Variants in PRPSAP2 observed in about 807,000 individuals in gnomAD.
The protein encoded by PRPSAP2 is phosphoribosyl pyrophosphate synthetase associated protein 2.
A neutral mutation model predicts 40.6 loss-of-function variants in PRPSAP2; 24 were observed. That is an observed-to-expected ratio of 0.59 (90% confidence interval 0.43 to 0.83). PRPSAP2 has a LOEUF of 0.83. Among genes scored for constraint, PRPSAP2 ranks in the 40% least tolerant of loss-of-function variants. The probability of loss-of-function intolerance (pLI) is 0.00; values close to 1 mark genes in which losing one functional copy is unlikely to be tolerated. For synonymous variants in PRPSAP2, 149 were observed against 164.7 expected, an observed-to-expected ratio of 0.90 and a Z score of 0.73; for missense variants, 292 against 465.6, an observed-to-expected ratio of 0.63 and a Z score of 3.43.
Position 18,922,893 on chromosome 17 carries a change from T to C in PRPSAP2, c.734-1021T>C, listed in dbSNP as rs138255864. On this transcript the variant is annotated intron_variant, in intron 9 of 11. Transcript: ENST00000268835. ...TTTCGCCATGTTGCTCAGGCTGGTC[T>C]CAAACTCCTGAACTCAGGCAGGCAA... 9.1e-4 allele frequency among the ~76,000 whole-genome samples: 137 copies of C among 151,306 alleles called. 1 individual carries two copies. The highest frequency in any genetic ancestry group is 3.2e-3 in the African/African-American group (132 of 41,358).
intron 7 of PRPSAP2, among the ~76,000 whole-genome samples, chr17:18,889,089 A>T (rs2039372442): frequency 6.6e-6 from 1 of 152,212 alleles, no homozygotes; most frequent in Non-Finnish European, 1.5e-5. Flanking sequence ...ATGGAAATAT[A>T]TTTTACTGCC....
intron 8 of PRPSAP2, among the ~76,000 whole-genome samples, chr17:18,894,718 C>CAG (rs1424489346): frequency 6.6e-6 from 1 of 151,846 alleles, no homozygotes; most frequent in Non-Finnish European, 1.5e-5. Flanking sequence ...CTCCTGACCT[C>CAG]GTGATCCACC....
intron 7 of PRPSAP2, among the ~76,000 whole-genome samples, chr17:18,887,026 T>C (rs1762945991): frequency 7.6e-6 from 1 of 131,676 alleles, no homozygotes; most frequent in South Asian, 2.7e-4. Context: ...AACCTCCGCC[T>C]CCCAGGTTCA....
intron 1 of PRPSAP2, among the ~76,000 whole-genome samples, chr17:18,864,017 TA>T (rs1234932651): frequency 2.0e-5 from 3 of 150,992 alleles, no homozygotes; most frequent in Non-Finnish European, 4.4e-5. Flanking sequence ...TTTTTATTTT[TA>T]TTTTTTTGTA....
chr17:18,862,791 T>TTTTATTTATTCATTTA (rs763116169), intron 1 of PRPSAP2, among the ~76,000 whole-genome samples: 31 of 149,326 alleles, frequency 2.1e-4, no homozygotes, highest in Middle Eastern at 3.4e-3. Context: ...TGTAACACCC[T>TTTTATTTATTCATTTA]TTTATTTATT....
At chr17:18,878,597 G>T (rs1188846203) in intron 6 of PRPSAP2, among the ~76,000 whole-genome samples, 1 of 152,038 alleles carries the variant, frequency 6.6e-6, no homozygotes, top group Admixed American at 6.6e-5. Flanking sequence ...CGCTCCTGTT[G>T]CCCAGGCTGG....
chr17:18,883,637 C>T (rs955764792), intron 7 of PRPSAP2, among the ~76,000 whole-genome samples: 8 of 151,976 alleles, frequency 5.3e-5, no homozygotes, highest in South Asian at 2.1e-4. Context: ...CTGCCTGCCT[C>T]GGCCTCCCAA....
Position 18,911,006 on chromosome 17 carries a change from A to G in PRPSAP2, c.585-97A>G, listed in dbSNP as rs2151952941. Reference sequence around the variant, plus strand: ...CTTTTCTTTAGTCCTTTGGGAGACAACATTCTACTTATGTTCTCTTAATGT... The same window carrying G: ...CTTTTCTTTAGTCCTTTGGGAGACAGCATTCTACTTATGTTCTCTTAATGT... On this transcript the variant is annotated intron_variant, in intron 8 of 11. Transcript: ENST00000268835. The surrounding 1 kb of genome is among the most constrained non-coding windows in gnomAD (Gnocchi z 4.5). 2.2e-6 allele frequency: 3 copies of G among 1,358,970 alleles called. No individual in the cohort carries two copies. Among genetic ancestry groups the G allele is most frequent in the African/African-American group, 2.9e-5 (2 of 68,638 alleles). 84.2% of individuals were successfully genotyped at this position (1,358,970 alleles called of 1,614,324 possible). A position where few individuals can be genotyped will look rare whatever the true frequency, so the allele number is the denominator to read the frequency against.
At chr17:18,922,668 ATTTTT>A (rs57263191) in intron 9 of PRPSAP2, among the ~76,000 whole-genome samples, 10,176 of 89,658 alleles carry the variant, frequency 0.11, 407 homozygotes, top group African/African-American at 0.2. Context: ...TATATATATA[ATTTTT>A]TTTTTTTTTT....
chr17:18,892,730 T>TGTGTGTGTGTG (rs1567709168), intron 8 of PRPSAP2, among the ~76,000 whole-genome samples: 5 of 99,510 alleles, frequency 5.0e-5, no homozygotes, highest in South Asian at 2.6e-4. Flanking sequence ...TGTGTGTGTA[T>TGTGTGTGTGTG]TTATTTATTT....
In PRPSAP2 at chr17:18,892,741, A is replaced by ATT. The variant is rs1252254393; in HGVS notation, c.584+2866_584+2867dup. 3.0e-3 allele frequency among the ~76,000 whole-genome samples: 208 copies of ATT among 69,684 alleles called. 3 individuals are homozygous for ATT. The highest frequency in any genetic ancestry group is 1.0e-2 in the African/African-American group (200 of 20,004). The allele number at this position is 69,684 out of a possible 152,430, so 45.7% of individuals were successfully genotyped here. Reference sequence around the variant, plus strand: ...TGTGTGTGTGTGTATTTATTTATTTATTTATTTTTTTGAGACAGAGTCTCG... The same window carrying ATT: ...TGTGTGTGTGTGTATTTATTTATTTATTTTTATTTTTTTGAGACAGAGTCTCG... On this transcript the variant is annotated intron_variant, in intron 8 of 11. Transcript: ENST00000268835.
rs1219374736 is a variant in PRPSAP2, at chr17:18,877,569, T to C, written c.240-129T>C. On this transcript the variant is annotated intron_variant, in intron 5 of 11. Coordinates refer to ENST00000268835, the MANE Select transcript of PRPSAP2 (RefSeq NM_002767.4). ...GAGGCCTGAGAAAAGAGGAATTTAT[T>C]GGTTGGTTTTTTTCTGCCTTGCACC... 4.0e-6 allele frequency: 3 copies of C among 743,016 alleles called. No individual in the cohort carries two copies. The African/African-American group carries it at 5.4e-5, about 13-fold the overall frequency. 46.0% of individuals were successfully genotyped at this position (743,016 alleles called of 1,614,324 possible).
chr17:18,902,741 C>T (rs1283789111), intron 8 of PRPSAP2, among the ~76,000 whole-genome samples: 5 of 151,742 alleles, frequency 3.3e-5, no homozygotes, highest in South Asian at 2.1e-4. Context: ...TGGTGGCGCA[C>T]GCCTGTAATC....
At chr17:18,928,177 C>G (rs1400606315) in intron 10 of PRPSAP2, 1 of 156,330 alleles carries the variant, frequency 6.4e-6, no homozygotes, top group African/African-American at 2.4e-5. Flanking sequence ...TTATTCAACT[C>G]TAGACAACGT....
intron 1 of PRPSAP2, among the ~76,000 whole-genome samples, chr17:18,864,154 G>A (rs999746446): frequency 3.9e-5 from 6 of 151,922 alleles, no homozygotes; most frequent in Non-Finnish European, 7.4e-5. Context: ...GTGCCTGGCC[G>A]TATATAATTT....
At chr17:18,912,923 A>C (rs1267969432) in intron 9 of PRPSAP2, among the ~76,000 whole-genome samples, 2 of 152,220 alleles carry the variant, frequency 1.3e-5, no homozygotes, top group African/African-American at 2.4e-5. Flanking sequence ...TTAAATCTTA[A>C]GGCTTAAGTT....
chr17:18,876,633 G>A (rs186105537), intron 5 of PRPSAP2, among the ~76,000 whole-genome samples: 10 of 152,334 alleles, frequency 6.6e-5, no homozygotes, highest in Admixed American at 2.0e-4. Context: ...CATAAAGTGA[G>A]CATAATAAAG....
chr17:18,907,425 G>A (rs1323822763), intron 8 of PRPSAP2, among the ~76,000 whole-genome samples: 1 of 152,148 alleles, frequency 6.6e-6, no homozygotes, highest in Non-Finnish European at 1.5e-5. Flanking sequence ...TAACTGCAAG[G>A]AGAAATAGAT....
At chr17:18,925,949 C>T (rs2041945665) in intron 10 of PRPSAP2, among the ~76,000 whole-genome samples, 1 of 151,910 alleles carries the variant, frequency 6.6e-6, no homozygotes, top group Non-Finnish European at 1.5e-5. Context: ...ACTAAAAATA[C>T]AAAAAATTAG....
Sources: allele counts gnomAD v4.1 joint callset (sites outside exome capture counted in the v4.1 genomes callset), GRCh38; gene constraint gnomAD v4.1.1; non-coding constraint Gnocchi (gnomAD v3.1); transcripts MANE v1.5; gene names NCBI Gene and HGNC (gene_info 2026-07-23, HGNC 2026-07-21).